Variants in ADGRL3 observed in about 807,000 individuals in gnomAD.
ADGRL3 encodes the protein adhesion G protein-coupled receptor L3, also known as calcium-independent alpha-latrotoxin receptor 3.
A neutral mutation model predicts 153.5 loss-of-function variants in ADGRL3; 62 were observed. That is an observed-to-expected ratio of 0.40 (90% confidence interval 0.33 to 0.50). ADGRL3 has a LOEUF of 0.50. ADGRL3 is among the 20% of genes least tolerant of loss of function. ADGRL3 has a pLI of 0.47. For missense variants in ADGRL3, 1,641 were observed against 1,859.4 expected (o/e 0.88, Z 2.16); for synonymous variants, 710 against 672.5 (o/e 1.06, Z -0.86).
rs113273629 is a variant in ADGRL3, at chr4:61,736,910, G to A, written c.1399+3356G>A. Reference sequence around the variant, plus strand: ...AATTGAAAAGCTAGTGCTTTAGCATGGACTTATTGCAGTTTAGAGGTGGAA... The same window carrying A: ...AATTGAAAAGCTAGTGCTTTAGCATAGACTTATTGCAGTTTAGAGGTGGAA... On this transcript the variant is annotated intron_variant, in intron 8 of 26. Coordinates refer to ENST00000683033, the MANE Select transcript of ADGRL3 (RefSeq NM_001387552.1). Among the ~76,000 whole-genome samples the A allele has an allele frequency of 5.9e-5, 9 of 152,190 alleles. 1 individual carries two copies. Among genetic ancestry groups the A allele is most frequent in the African/African-American group, 2.2e-4 (9 of 41,520 alleles).
intron 5 of ADGRL3, among the ~76,000 whole-genome samples, chr4:61,672,297 A>G (rs1473323778): frequency 6.6e-6 from 1 of 152,054 alleles, no homozygotes; most frequent in Non-Finnish European, 1.5e-5. Context: ...AGCCTCCTTT[A>G]TTGAAGAGTC....
chr4:62,026,502 A>G (rs1718633083), intron 21 of ADGRL3, among the ~76,000 whole-genome samples: 1 of 152,166 alleles, frequency 6.6e-6, no homozygotes, highest in Non-Finnish European at 1.5e-5. Context: ...ACCAGTTGAT[A>G]AAAACTGCTG....
chr4:61,321,389 G>A (rs928169596), intron 1 of ADGRL3, among the ~76,000 whole-genome samples: 1 of 152,042 alleles, frequency 6.6e-6, no homozygotes, highest in Non-Finnish European at 1.5e-5. Context: ...TCATCTGTAA[G>A]TTGAACTAAC....
intron 6 of ADGRL3, among the ~76,000 whole-genome samples, chr4:61,726,674 A>C (rs2096353114): frequency 6.6e-6 from 1 of 152,158 alleles, no homozygotes; most frequent in Non-Finnish European, 1.5e-5. Flanking sequence ...AAGGGTACCC[A>C]AATGTATTTT....
At chr4:61,783,637 C>T (rs916786004) in intron 8 of ADGRL3, among the ~76,000 whole-genome samples, 3 of 151,896 alleles carry the variant, frequency 2.0e-5, no homozygotes, top group African/African-American at 7.3e-5. Context: ...TTACTGAAAG[C>T]TGTGGGAGAT....
intron 4 of ADGRL3, among the ~76,000 whole-genome samples, chr4:61,579,069 A>G (rs1197554113): frequency 1.3e-5 from 2 of 151,956 alleles, no homozygotes; most frequent in Non-Finnish European, 2.9e-5. Context: ...CCTTGATTTC[A>G]TGTGTTAACT....
chr4:61,931,655 CG>C (rs2098818080), intron 13 of ADGRL3, among the ~76,000 whole-genome samples: 4 of 152,054 alleles, frequency 2.6e-5, no homozygotes, highest in Admixed American at 2.0e-4. Flanking sequence ...TGAACAGGTG[CG>C]TTTTTGAGCA....
intron 13 of ADGRL3, among the ~76,000 whole-genome samples, chr4:61,917,000 A>G (rs867140395): frequency 7.9e-5 from 12 of 152,292 alleles, no homozygotes; most frequent in Middle Eastern, 3.4e-3. Flanking sequence ...GGCATTAATT[A>G]TGTGCCATTA....
In ADGRL3 at chr4:61,696,904, T is replaced by C. The variant is rs530629333; in HGVS notation, c.583+19969T>C. On this transcript the variant is annotated intron_variant, in intron 6 of 26. Transcript: ENST00000683033. Reference sequence around the variant, plus strand: ...GTTGGTGAGGCTGGTCTCGAACTCCTGACCTCAAGTGATCTGCCAGCCTCA... The same window carrying C: ...GTTGGTGAGGCTGGTCTCGAACTCCCGACCTCAAGTGATCTGCCAGCCTCA... Among the ~76,000 whole-genome samples, 3 of 152,174 alleles carry C rather than the reference T, an allele frequency of 2.0e-5. No individual in the cohort carries two copies. In the East Asian group the frequency reaches 5.8e-4, roughly 30 times the overall value.
chr4:61,895,918 A>G, intron 11 of ADGRL3, 84 bp downstream of exon 11: 1 of 690,332 alleles, frequency 1.4e-6, no homozygotes, highest in East Asian at 3.1e-5. Flanking sequence ...AAAACAGTCA[A>G]GAATTCTTTT....
At chr4:61,897,508 A>C (rs2098638490) in intron 11 of ADGRL3, among the ~76,000 whole-genome samples, 1 of 152,014 alleles carries the variant, frequency 6.6e-6, no homozygotes. Flanking sequence ...ACAGCCTTAC[A>C]CTCAGTTACC....
intron 1 of ADGRL3, chr4:61,211,701 CA>C (rs1247269227): frequency 6.6e-6 from 1 of 152,152 alleles, no homozygotes; most frequent in Non-Finnish European, 1.5e-5. Context: ...TTATGCAAAT[CA>C]AGGGGTTCAA....
intron 22 of ADGRL3, 87 bp from the exon 23 acceptor site, chr4:62,031,352 ATTT>A (rs777298840): frequency 2.7e-6 from 3 of 1,097,778 alleles, no homozygotes; most frequent in Non-Finnish European, 3.8e-6. Flanking sequence ...TTACTGTAAC[ATTT>A]TTTTCAGTGT....
At chr4:62,020,104 C>A (rs1018387202) in intron 21 of ADGRL3, among the ~76,000 whole-genome samples, 1 of 152,006 alleles carries the variant, frequency 6.6e-6, no homozygotes, top group Non-Finnish European at 1.5e-5. Flanking sequence ...TTCTCCCAAG[C>A]AGTTTATAAT....
chr4:61,216,239 T>G (rs1742718486), intron 1 of ADGRL3, among the ~76,000 whole-genome samples: 1 of 152,186 alleles, frequency 6.6e-6, no homozygotes, highest in Non-Finnish European at 1.5e-5. Context: ...ATAATGAAGA[T>G]GTTTTGCATG....
chr4:61,583,220 C>A (rs758812511), intron 4 of ADGRL3, among the ~76,000 whole-genome samples: 11 of 152,026 alleles, frequency 7.2e-5, no homozygotes, highest in Non-Finnish European at 1.3e-4. Flanking sequence ...AAGTCTCTGA[C>A]CCCAGTCCAT....
chr4:61,395,467 A>C (rs538916779), intron 2 of ADGRL3, among the ~76,000 whole-genome samples: 55 of 152,112 alleles, frequency 3.6e-4, no homozygotes, highest in Middle Eastern at 3.4e-3. Flanking sequence ...TGTTGTTATG[A>C]GACCATAATT....
At chr4:61,726,755 T>A (rs1561131367) in intron 6 of ADGRL3, among the ~76,000 whole-genome samples, 1 of 152,102 alleles carries the variant, frequency 6.6e-6, no homozygotes, top group Non-Finnish European at 1.5e-5. Context: ...AGGAAAAAAA[T>A]TGTTTATAAA....
intron 6 of ADGRL3, among the ~76,000 whole-genome samples, chr4:61,707,698 T>C (rs1004882534): frequency 1.3e-5 from 2 of 152,170 alleles, no homozygotes; most frequent in African/African-American, 2.4e-5. Context: ...GTATAGAGAT[T>C]AAGCAAATGA....
Sources: gnomAD v4.1 joint callset for allele counts (sites outside exome capture counted in the v4.1 genomes callset) on GRCh38, gnomAD v4.1.1 for gene constraint, MANE v1.5 for transcripts, NCBI Gene and HGNC (gene_info 2026-07-23, HGNC 2026-07-21) for gene names.